The following PRKCB variants were observed in gnomAD, a reference collection of about 807,000 sequenced individuals.
PRKCB encodes the protein protein kinase C beta.
Under a neutral mutation model 81.5 loss-of-function variants are expected in PRKCB, and 13 were observed. That is an observed-to-expected ratio of 0.16 (90% CI 0.10 to 0.25). PRKCB has a LOEUF of 0.25. Among genes scored for constraint, PRKCB ranks in the 10% least tolerant of loss-of-function variants. The probability of loss-of-function intolerance (pLI) is 1.00; values close to 1 mark genes in which losing one functional copy is unlikely to be tolerated. For missense variants in PRKCB, 509 were observed against 875.7 expected, an observed-to-expected ratio of 0.58 and a Z score of 5.29; for synonymous variants, 335 against 321.4, an observed-to-expected ratio of 1.04 and a Z score of -0.45.
At chr16:24,021,084 TTTC>T (rs1965374514) in intron 3 of PRKCB, among the ~76,000 whole-genome samples, 1 of 125,936 alleles carries the variant, frequency 7.9e-6, no homozygotes, top group Non-Finnish European at 1.7e-5. Flanking sequence ...TCTTTCTTTC[TTTC>T]TTTTTTTCTT....
At chr16:24,088,146 C>T (rs1007334470) in intron 5 of PRKCB, among the ~76,000 whole-genome samples, 10 of 152,158 alleles carry the variant, frequency 6.6e-5, no homozygotes, top group Non-Finnish European at 1.3e-4. Context: ...CTGGGAAACA[C>T]GACTCAACTT....
Position 24,002,342 on chromosome 16 carries a change from C to T in PRKCB, c.288+13752C>T, listed in dbSNP as rs549094422. On this transcript the variant is annotated intron_variant, in intron 3 of 16. Transcript: ENST00000643927. ...GTGTGTGCGTGCGTGTGTGTGTGTG[C>T]GTGCGTGCGTGTGTGTGTGTGAAAT... Among the ~76,000 whole-genome samples the T allele has an allele frequency of 1.1e-3, 169 of 150,194 alleles. 1 individual carries two copies. The highest frequency in any genetic ancestry group is 3.4e-3 in the African/African-American group (141 of 40,916).
At chr16:24,184,959 C>A in intron 13 of PRKCB, 152 bp from the exon 14 acceptor site, 1 of 686,244 alleles carries the variant, frequency 1.5e-6, no homozygotes, top group Non-Finnish European at 2.6e-6. Context: ...GCTGCAGGTG[C>A]CTCTGCAAAG....
chr16:24,050,164 T>C (rs1321267279), intron 5 of PRKCB, among the ~76,000 whole-genome samples: 4 of 152,124 alleles, frequency 2.6e-5, no homozygotes, highest in Non-Finnish European at 5.9e-5. Context: ...GGTTCATAGG[T>C]GTCCCAGAAT....
intron 2 of PRKCB, among the ~76,000 whole-genome samples, chr16:23,871,632 C>T (rs568981888): frequency 9.2e-5 from 14 of 152,078 alleles, no homozygotes; most frequent in African/African-American, 3.4e-4. Flanking sequence ...GGATGAAGTG[C>T]AGGGGCACAA....
intron 12 of PRKCB, among the ~76,000 whole-genome samples, chr16:24,176,052 A>T (rs948183668): frequency 6.6e-5 from 10 of 150,382 alleles, no homozygotes; most frequent in South Asian, 6.3e-4. Flanking sequence ...AGGCTATGGG[A>T]TGCTGGTAGG....
rs1378273448 is a variant in PRKCB at position 24,171,468 on chromosome 16, A to C, written c.1240-802A>C. ...ATTCATTGTCATTTTTGCAGTATCC[A>C]ATGGGTTACACAGGTCAGTCCTATT... On this transcript the variant is annotated intron_variant, in intron 10 of 16. Transcript: ENST00000643927. Among the ~76,000 whole-genome samples the C allele has an allele frequency of 2.0e-5, 3 of 152,158 alleles. No homozygotes were observed. The East Asian group carries it at 5.8e-4, about 29-fold the overall frequency.
chr16:24,071,617 A>T (rs1200706299), intron 5 of PRKCB, among the ~76,000 whole-genome samples: 10 of 151,972 alleles, frequency 6.6e-5, no homozygotes, highest in African/African-American at 2.2e-4. Flanking sequence ...GTCCTAGGGT[A>T]GTAAAGAGAG....
chr16:24,027,156 C>A (rs866245765), intron 3 of PRKCB, among the ~76,000 whole-genome samples: 21 of 152,236 alleles, frequency 1.4e-4, no homozygotes, highest in African/African-American at 2.4e-4. Context: ...TCCCCCACCC[C>A]CCGACAGGTC....
At chr16:23,933,867 TC>T (rs1196129159) in intron 2 of PRKCB, among the ~76,000 whole-genome samples, 30 of 144,058 alleles carry the variant, frequency 2.1e-4, no homozygotes, top group African/African-American at 8.0e-4. Flanking sequence ...CATCCATCCA[TC>T]CATCCATCCA....
intron 9 of PRKCB, among the ~76,000 whole-genome samples, chr16:24,149,431 GT>G (rs1233130744): frequency 4.6e-5 from 7 of 152,128 alleles, no homozygotes; most frequent in Non-Finnish European, 1.0e-4. Context: ...GAAAAGGAAA[GT>G]TTTCTCTCAT....
At chr16:24,040,704 G>A (rs535988634) in intron 5 of PRKCB, among the ~76,000 whole-genome samples, 2 of 152,282 alleles carry the variant, frequency 1.3e-5, no homozygotes, top group South Asian at 4.1e-4. Context: ...TTCACTGATG[G>A]TCCCCAGATC....
At chr16:23,842,623 A>G (rs1476211835) in intron 2 of PRKCB, among the ~76,000 whole-genome samples, 1 of 152,216 alleles carries the variant, frequency 6.6e-6, no homozygotes, top group Non-Finnish European at 1.5e-5. Flanking sequence ...GAAAAACCCC[A>G]GTGTACAAAT....
chr16:24,212,374 C>T, intron 16 of PRKCB, among the ~76,000 whole-genome samples: 1 of 125,874 alleles, frequency 7.9e-6, no homozygotes. Flanking sequence ...CTCTTGTTAT[C>T]TCTTTCCACT....
Position 23,940,399 on chromosome 16 carries a change from A to C in PRKCB, c.206-48109A>C, listed in dbSNP as rs138335532. Among the ~76,000 whole-genome samples, 112 of 152,244 alleles carry C rather than the reference A, an allele frequency of 7.4e-4. 2 individuals are homozygous for C. The East Asian group carries it at 0.021, about 29-fold the overall frequency. On this transcript the variant is annotated intron_variant, in intron 2 of 16. Coordinates refer to ENST00000643927, the MANE Select transcript of PRKCB (RefSeq NM_002738.7). ...TACAAAAACCTCTGTGTGAATATTT[A>C]TAGCAAGCAAGGAAAAAAAAACCCA... is the stretch of plus-strand genomic sequence containing the variant.
At position 24,101,020 on chromosome 16, in the gene PRKCB, CATCAGAATGCAGG is replaced by C. The variant is rs577320096; in HGVS notation, c.821+6724_821+6736del. Among the ~76,000 whole-genome samples the C allele has an allele frequency of 6.5e-3, 995 of 152,244 alleles. 8 individuals are homozygous for C. Among genetic ancestry groups the C allele is most frequent in the African/African-American group, 0.022 (917 of 41,540 alleles). On this transcript the variant is annotated intron_variant, in intron 7 of 16. Transcript: ENST00000643927. ...CCAGTCTGGGTTGCACCAGCTGGTC[CATCAGAATGCAGG>C]GTCTGGAAAATATTTCAAACACCAA...
At chr16:24,113,156 T>TCTCTCTTATTCTTTTTTCTCTCC in intron 8 of PRKCB, 87 bp downstream of exon 8, 1 of 927,156 alleles carries the variant, frequency 1.1e-6, no homozygotes, top group Non-Finnish European at 1.6e-6. Context: ...TCTTTCTCTT[T>TCTCTCTTATTCTTTTTTCTCTCC]CTCTCTTATT....
At chr16:24,186,120 T>G (rs559375426) in intron 15 of PRKCB, among the ~76,000 whole-genome samples, 5 of 152,302 alleles carry the variant, frequency 3.3e-5, no homozygotes, top group East Asian at 3.9e-4. Context: ...CATGCACGCT[T>G]GGACATCTAC....
Position 24,186,107 on chromosome 16 carries a change from G to T in PRKCB, c.1722+540G>T, listed in dbSNP as rs543678073. ...CAGACACACACACAAATGGCTAAAAGGGCATGCACGCTTGGACATCTACGG... is the reference window on the plus strand; with the variant it reads ...CAGACACACACACAAATGGCTAAAATGGCATGCACGCTTGGACATCTACGG... On this transcript the variant is annotated intron_variant, in intron 15 of 16. Transcript: ENST00000643927. Among the ~76,000 whole-genome samples, 62 of 152,170 alleles carry T rather than the reference G, an allele frequency of 4.1e-4. 1 individual carries two copies. Among genetic ancestry groups the T allele is most frequent in the Non-Finnish European group, 7.6e-4 (52 of 68,028 alleles).
Sources: allele counts gnomAD v4.1 joint callset (sites outside exome capture counted in the v4.1 genomes callset), GRCh38; gene constraint gnomAD v4.1.1; transcripts MANE v1.5; gene names NCBI Gene and HGNC (gene_info 2026-07-23, HGNC 2026-07-21).